The following POLRMT variants were observed in gnomAD, a reference collection of about 807,000 sequenced individuals.
The protein encoded by POLRMT is RNA polymerase mitochondrial, also known as DNA-directed RNA polymerase, mitochondrial.
A neutral mutation model predicts 132.2 loss-of-function variants in POLRMT; 114 were observed. That is an observed-to-expected ratio of 0.86 (90% confidence interval 0.74 to 1.01). The LOEUF (loss-of-function observed/expected upper bound fraction) is 1.01. POLRMT is among the 50% of genes least tolerant of loss of function. The pLI is 0.00. For synonymous variants in POLRMT, 1,020 were observed against 773.4 expected, an observed-to-expected ratio of 1.32 and a Z score of -5.29; for missense variants, 2,003 against 1,729.1, an observed-to-expected ratio of 1.16 and a Z score of -2.81.
In POLRMT at chr19:633,295, G is replaced by A. The variant is rs1267044051; in HGVS notation, c.88+130C>T. 3.4e-6 allele frequency: 4 copies of A among 1,170,304 alleles called. 1 individual carries two copies. In the South Asian group the frequency reaches 6.9e-5, roughly 20 times the overall value. 72.5% of individuals were successfully genotyped at this position (1,170,304 alleles called of 1,614,324 possible). A position where few individuals can be genotyped will look rare whatever the true frequency, so the allele number is the denominator to read the frequency against. ...AGCGGGCAAGGGCGAGTGGAAAGCG[G>A]GGCCGGGTCGGTGGGCTGCGCACGC... On this transcript the variant is annotated intron_variant, in intron 1 of 20. Transcript: ENST00000588649.
In POLRMT at chr19:622,278, C is replaced by T. The variant is rs762753924; in HGVS notation, c.1722G>A (p.Glu574=). Residue 574 remains glutamate (E), a synonymous_variant, in exon 9 of 21, where the codon GAG becomes GAA. Transcript: ENST00000588649. The stretch of plus-strand genomic sequence containing the variant: ...GCATCTCCGCCAGCAGCTTGCCCAG[C>T]TCCATCTGCACTGGCAGGGGCCAGG... ...EQPWPLPVQM[E]LGKLLAEMLV... 25 of 1,563,886 alleles carry T rather than the reference C, an allele frequency of 1.6e-5. No homozygotes were observed. In the East Asian group the frequency reaches 5.5e-4, roughly 34 times the overall value.
chr19:628,911 G>A (rs559787154), intron 3 of POLRMT, among the ~76,000 whole-genome samples: 2 of 152,136 alleles, frequency 1.3e-5, no homozygotes, highest in African/African-American at 2.4e-5. Flanking sequence ...GGCTGAGGCA[G>A]GATAATCACT....
At position 621,043 on chromosome 19, in the gene POLRMT, G is replaced by T; in HGVS notation, c.2640+15C>A. On this transcript the variant is annotated intron_variant, in intron 10 of 20. Coordinates refer to ENST00000588649, the MANE Select transcript of POLRMT (RefSeq NM_005035.4). ...GGTGCCGGGAGGGCGGGGAATGCGG[G>T]GGCCCCGCCCCTACCGTCAAGGGTT... The T allele has an allele frequency of 6.4e-7, 1 of 1,562,658 alleles. No homozygotes were observed. Among genetic ancestry groups the T allele is most frequent in the Non-Finnish European group, 8.6e-7 (1 of 1,161,336 alleles).
rs1285680120 is a variant in POLRMT at position 619,760 on chromosome 19, C to T, written c.2892G>A (p.Glu964=). The T allele has an allele frequency of 1.9e-6, 3 of 1,574,062 alleles. No homozygotes were observed. Among genetic ancestry groups the T allele is most frequent in the African/African-American group, 2.7e-5 (2 of 73,898 alleles). The change falls in exon 13 of 21, where the codon GAG becomes GAA. Residue 964 remains glutamate (E), a synonymous_variant. Coordinates refer to ENST00000588649, the MANE Select transcript of POLRMT (RefSeq NM_005035.4). Reference sequence around the variant, plus strand: ...GCTGGGCGTCCTGCCTACGGAACACCTCCACCTGCACGGCGGGTGGGCCGG... The same window carrying T: ...GCTGGGCGTCCTGCCTACGGAACACTTCCACCTGCACGGCGGGTGGGCCGG... The part of the protein sequence containing the change: ...DVYSGVAAQV[E]VFRRQDAQRG...
rs780401893 is a variant in POLRMT, at chr19:617,271, G to T, written c.*3C>A. On this transcript the variant is annotated 3_prime_UTR_variant, in exon 21 of 21. Coordinates refer to ENST00000588649, the MANE Select transcript of POLRMT (RefSeq NM_005035.4). The stretch of plus-strand genomic sequence containing the variant: ...TTTACACACTGACAAGGCTCACGGG[G>T]TGTCAGCTGAAGAAGTAGGTGGAAC... The T allele has an allele frequency of 6.8e-6, 11 of 1,612,766 alleles. No individual in the cohort carries two copies. The highest frequency in any genetic ancestry group is 9.3e-6 in the Non-Finnish European group (11 of 1,179,864).
In POLRMT at chr19:619,197, G is replaced by A. The variant is rs1275761030; in HGVS notation, c.3153+13C>T. ...AGGGAGTCCTGGCCGAGCGGGGACA[G>A]GACAGGACGTACCTGGATGGCCCGG... On this transcript the variant is annotated intron_variant, in intron 14 of 20. Coordinates refer to ENST00000588649, the MANE Select transcript of POLRMT (RefSeq NM_005035.4). The A allele has an allele frequency of 1.2e-6, 2 of 1,611,464 alleles. No homozygotes were observed. The highest frequency in any genetic ancestry group is 1.7e-4 in the Middle Eastern group (1 of 5,962).
chr19:620,277 G>A (rs1047718550), intron 11 of POLRMT, 88 bp downstream of exon 11: 48 of 1,462,608 alleles, frequency 3.3e-5, no homozygotes, highest in Admixed American at 3.2e-4. Context: ...AGAATACCAC[G>A]AGCGAAGGTG....
At chr19:629,214 C>T (rs1001889867) in intron 3 of POLRMT, among the ~76,000 whole-genome samples, 4 of 152,016 alleles carry the variant, frequency 2.6e-5, no homozygotes, top group Non-Finnish European at 5.9e-5. Flanking sequence ...AAGTCAACCC[C>T]AACACCAAAG....
At position 629,863 on chromosome 19, in the gene POLRMT, G is replaced by C; in HGVS notation, c.499C>G (p.Leu167Val). 1 of 1,609,136 alleles carries C rather than the reference G, an allele frequency of 6.2e-7. No individual in the cohort carries two copies. The highest frequency in any genetic ancestry group is 8.5e-7 in the Non-Finnish European group (1 of 1,178,004). Residue 167 changes from leucine (L) to valine (V), a missense_variant, in exon 3 of 21, where the codon CTG (leucine) becomes GTG (valine). Transcript: ENST00000588649. ...AGGCACCCGGCCATCTGCTTGCTCA[G>C]GAGCCGGGGCTCCACCTGCAGGCGC... ...TRRLQVEPRL[L>V]SKQMAGCLED...
At chr19:620,616 G>C (rs867983390) in intron 10 of POLRMT, 129 bp from the exon 11 acceptor site, 1 of 1,197,074 alleles carries the variant, frequency 8.4e-7, no homozygotes, top group Non-Finnish European at 1.1e-6. Flanking sequence ...CGGGACGCAT[G>C]TGGGCGAGAG....
rs538509564 is a variant in POLRMT, at chr19:632,999, G to A, written c.89-61C>T. ...GCGTGTGGGCGGGGGCCTCCATAAAGGCAGAAGCCGAAGGGTCGAAGGGCA... is the reference window on the plus strand; with the variant it reads ...GCGTGTGGGCGGGGGCCTCCATAAAAGCAGAAGCCGAAGGGTCGAAGGGCA... On this transcript the variant is annotated intron_variant, in intron 1 of 20. Coordinates refer to ENST00000588649, the MANE Select transcript of POLRMT (RefSeq NM_005035.4). 78 of 1,248,204 alleles carry A rather than the reference G, an allele frequency of 6.2e-5. 1 individual carries two copies. In the South Asian group the frequency reaches 1.1e-3, roughly 17 times the overall value. 77.3% of individuals were successfully genotyped at this position (1,248,204 alleles called of 1,614,324 possible).
chr19:625,503 T>C (rs1044622580), intron 3 of POLRMT: 1 of 469,176 alleles, frequency 2.1e-6, no homozygotes, highest in South Asian at 3.4e-5. Context: ...AGGCAGCTTG[T>C]TAAACCTCCA....
rs201811276 is a variant in POLRMT at position 619,719 on chromosome 19, G to A, written c.2933C>T (p.Ala978Val). The change falls in exon 13 of 21, where the codon GCA becomes GTA. Residue 978 changes from alanine to valine, a missense_variant. Ala to Val is a moderately conservative substitution (Grantham distance 64). Transcript: ENST00000588649. ...GGTGATGAAACCTTCCAGCACCTGT[G>A]CCACCCGCATGCCCCGCTGGGCGTC... ...RQDAQRGMRVAQVLEGFITRK... is the reference protein window; with the variant it reads ...RQDAQRGMRVVQVLEGFITRK... 4.4e-6 allele frequency: 7 copies of A among 1,604,062 alleles called. No individual in the cohort carries two copies. The highest frequency in any genetic ancestry group is 1.3e-5 in the African/African-American group (1 of 74,788).
chr19:626,696 C>CAAAAAAAAAAAAAAAAAAAAAA (rs59746130), intron 3 of POLRMT, among the ~76,000 whole-genome samples: 5 of 105,044 alleles, frequency 4.8e-5, no homozygotes, highest in African/African-American at 2.2e-4. Flanking sequence ...ACTAAAAATA[C>CAAAAAAAAAAAAAAAAAAAAAA]AAAAAAAAAA....
chr19:618,852 A>G, intron 15 of POLRMT, 92 bp from the exon 16 acceptor site: 2 of 1,449,368 alleles, frequency 1.4e-6, no homozygotes, highest in Non-Finnish European at 1.9e-6. Context: ...GTGGCACGCT[A>G]GGATGGTGGC....
Position 621,203 on chromosome 19 carries a change from G to C in POLRMT, c.2495C>G (p.Pro832Arg). The C allele has an allele frequency of 2.5e-6, 4 of 1,610,204 alleles. No individual in the cohort carries two copies. In the East Asian group the frequency reaches 6.7e-5, roughly 27 times the overall value. Residue 832 changes from proline (P) to arginine (R), a missense_variant, in exon 10 of 21, where the codon CCG (proline) becomes CGG (arginine). Physicochemically the swap from Pro to Arg is moderately radical, Grantham distance 103. Transcript: ENST00000588649. Reference protein sequence around the residue: ...RALLEFAQGRPLGPHGLDWLK... With the variant: ...RALLEFAQGRRLGPHGLDWLK... ...CCAATCCAGGCCGTGCGGGCCGAGC[G>C]GGCGGCCCTGGGCGAACTCCAGCAG...
In POLRMT at chr19:626,856, C is replaced by T. The variant is rs77988426; in HGVS notation, c.823-1602G>A. 3.4e-4 allele frequency among the ~76,000 whole-genome samples: 50 copies of T among 148,988 alleles called. No individual in the cohort carries two copies. In the East Asian group the frequency reaches 4.7e-3, roughly 14 times the overall value. ...GCCTGGGAGACAGAAACTTTGCTGTCGACAGACTTGGAGACTCTGTCTTAA... is the reference window on the plus strand; with the variant it reads ...GCCTGGGAGACAGAAACTTTGCTGTTGACAGACTTGGAGACTCTGTCTTAA... On this transcript the variant is annotated intron_variant, in intron 3 of 20. Transcript: ENST00000588649.
At position 629,907 on chromosome 19, in the gene POLRMT, T is replaced by A; in HGVS notation, c.455A>T (p.Glu152Val). 5 of 1,613,338 alleles carry A rather than the reference T, an allele frequency of 3.1e-6. No individual in the cohort carries two copies. Among genetic ancestry groups the A allele is most frequent in the Non-Finnish European group, 3.4e-6 (4 of 1,179,926 alleles). The change falls in exon 3 of 21, where the codon GAG becomes GTG. Residue 152 changes from glutamate to valine, a missense_variant. Physicochemically the swap from Glu to Val is moderately radical, Grantham distance 121. Coordinates refer to ENST00000588649, the MANE Select transcript of POLRMT (RefSeq NM_005035.4). Reference protein sequence around the residue: ...AKLQMPFQSGEFKALTRRLQV... With the variant: ...AKLQMPFQSGVFKALTRRLQV... The stretch of plus-strand genomic sequence containing the variant: ...CAGGCGCCTGGTCAGCGCCTTGAAC[T>A]CCCCGCTCTGGAATGGCATCTGCAG...
rs1438355178 is a variant in POLRMT, at chr19:632,898, G to A, written c.129C>T (p.Ser43=). Residue 43 remains serine (S), a synonymous_variant, in exon 2 of 21, where the codon TCC becomes TCT. Coordinates refer to ENST00000588649, the MANE Select transcript of POLRMT (RefSeq NM_005035.4). ...GGVCGPRRSS[S]ASPQEQDQDR... ...CTTGGTCTTGCTCCTGGGGGCTGGCGGACGAGCTCCTCCTGGGGCCGCAGA... is the reference window on the plus strand; with the variant it reads ...CTTGGTCTTGCTCCTGGGGGCTGGCAGACGAGCTCCTCCTGGGGCCGCAGA... 3.2e-6 allele frequency: 5 copies of A among 1,541,448 alleles called. No individual in the cohort carries two copies. Among genetic ancestry groups the A allele is most frequent in the Admixed American group, 1.9e-5 (1 of 52,144 alleles).
Sources: allele counts gnomAD v4.1 joint callset (sites outside exome capture counted in the v4.1 genomes callset), GRCh38; gene constraint gnomAD v4.1.1; transcripts MANE v1.5; gene names NCBI Gene and HGNC (gene_info 2026-07-23, HGNC 2026-07-21).